PTPRD: variants seen among roughly 807,000 people sequenced by gnomAD.
PTPRD encodes the protein receptor-type tyrosine-protein phosphatase delta.
Under a neutral mutation model 214.5 loss-of-function variants are expected in PTPRD, and 34 were observed. That is an observed-to-expected ratio of 0.16 (90% CI 0.12 to 0.21). PTPRD has a LOEUF of 0.21. PTPRD is among the 10% of genes least tolerant of loss of function. PTPRD has a pLI of 1.00. For missense variants in PTPRD, 2,545 were observed against 2,398.7 expected, an observed-to-expected ratio of 1.06 and a Z score of -1.27; for synonymous variants, 1,128 against 845.7, an observed-to-expected ratio of 1.33 and a Z score of -5.79.
chr9:10,598,989 A>G (rs1392954984), intron 2 of PTPRD, among the ~76,000 whole-genome samples: 1 of 151,664 alleles, frequency 6.6e-6, no homozygotes, highest in Non-Finnish European at 1.5e-5. Flanking sequence ...TTAGCTAGGT[A>G]CACAACTAAA....
Position 8,586,375 on chromosome 9 carries a change from G to A in PTPRD, c.352+46942C>T, listed in dbSNP as rs778598426. On this transcript the variant is annotated intron_variant, in intron 14 of 45. Coordinates refer to ENST00000381196, the MANE Select transcript of PTPRD (RefSeq NM_002839.4). ...ACCAGCATTGATTCTTCTGTATTAAGTCTTCACCAGCTCATATTTCTTCCC... is the reference window on the plus strand; with the variant it reads ...ACCAGCATTGATTCTTCTGTATTAAATCTTCACCAGCTCATATTTCTTCCC... Among the ~76,000 whole-genome samples the A allele has an allele frequency of 8.5e-5, 13 of 152,138 alleles. 1 individual carries two copies. Among genetic ancestry groups the A allele is most frequent in the Non-Finnish European group, 1.3e-4 (9 of 68,026 alleles).
chr9:8,920,526 A>G (rs2098820268), intron 11 of PTPRD, among the ~76,000 whole-genome samples: 2 of 152,172 alleles, frequency 1.3e-5, no homozygotes, highest in Admixed American at 6.5e-5. Context: ...CCACACTGGA[A>G]GAAGAATTGT....
chr9:10,055,427 A>T (rs2097612991), intron 3 of PTPRD, among the ~76,000 whole-genome samples: 1 of 152,066 alleles, frequency 6.6e-6, no homozygotes, highest in Non-Finnish European at 1.5e-5. Flanking sequence ...TCTGTGTTCT[A>T]ATGGAGTAGT....
chr9:9,701,616 G>A (rs2097503825), intron 7 of PTPRD, among the ~76,000 whole-genome samples: 1 of 152,156 alleles, frequency 6.6e-6, no homozygotes, highest in African/African-American at 2.4e-5. Context: ...ATGGCAAATG[G>A]GAGATACATA....
At chr9:10,127,948 C>T (rs1429794861) in intron 3 of PTPRD, among the ~76,000 whole-genome samples, 2 of 152,060 alleles carry the variant, frequency 1.3e-5, no homozygotes, top group East Asian at 1.9e-4. Context: ...ATATGATCAC[C>T]AGAAAAACTC....
intron 14 of PTPRD, among the ~76,000 whole-genome samples, chr9:8,579,456 GTTCA>G (rs1166600739): frequency 6.6e-6 from 1 of 152,044 alleles, no homozygotes; most frequent in Non-Finnish European, 1.5e-5. Flanking sequence ...ACTGGTGACT[GTTCA>G]TTCATTCCAC....
At chr9:9,755,600 G>C (rs971608356) in intron 6 of PTPRD, among the ~76,000 whole-genome samples, 26 of 152,136 alleles carry the variant, frequency 1.7e-4, no homozygotes, top group African/African-American at 6.0e-4. Flanking sequence ...ATATAGTACA[G>C]TTATTATAAT....
chr9:8,721,692 T>C (rs753055470), intron 12 of PTPRD, among the ~76,000 whole-genome samples: 2 of 152,192 alleles, frequency 1.3e-5, no homozygotes, highest in Non-Finnish European at 2.9e-5. Context: ...ATAATTATCA[T>C]CTAATACTCC....
chr9:9,249,487 G>A (rs1217684486), intron 9 of PTPRD, among the ~76,000 whole-genome samples: 1 of 152,042 alleles, frequency 6.6e-6, no homozygotes, highest in Non-Finnish European at 1.5e-5. Context: ...AAAAAAATTT[G>A]TCTTGACCAA....
intron 14 of PTPRD, among the ~76,000 whole-genome samples, chr9:8,585,128 G>A (rs1218065256): frequency 1.3e-5 from 2 of 152,078 alleles, no homozygotes; most frequent in Non-Finnish European, 2.9e-5. Flanking sequence ...AGGCTCAAAT[G>A]AATACAATGC....
At chr9:8,428,571 G>A (rs1445093350) in intron 35 of PTPRD, among the ~76,000 whole-genome samples, 1 of 152,110 alleles carries the variant, frequency 6.6e-6, no homozygotes, top group Non-Finnish European at 1.5e-5. Flanking sequence ...TTGCATAAAA[G>A]ATGAAAACAG....
chr9:9,942,736 A>C (rs1042596279), intron 4 of PTPRD, among the ~76,000 whole-genome samples: 2 of 152,144 alleles, frequency 1.3e-5, no homozygotes, highest in Admixed American at 1.3e-4. Context: ...GCATGTTTTC[A>C]TAATATTTAA....
At chr9:9,744,740 C>A (rs1427224216) in intron 6 of PTPRD, among the ~76,000 whole-genome samples, 1 of 151,898 alleles carries the variant, frequency 6.6e-6, no homozygotes, top group African/African-American at 2.4e-5. Flanking sequence ...GAATATAAAT[C>A]TCCTAGCCTG....
chr9:9,077,112 G>A (rs967141768), intron 10 of PTPRD, among the ~76,000 whole-genome samples: 37 of 150,174 alleles, frequency 2.5e-4, no homozygotes, highest in African/African-American at 9.0e-4. Flanking sequence ...TTTGAAAAAT[G>A]TCTATTCACA....
At chr9:8,792,885 A>C (rs1214492458) in intron 11 of PTPRD, among the ~76,000 whole-genome samples, 13 of 151,972 alleles carry the variant, frequency 8.6e-5, no homozygotes, top group Admixed American at 8.5e-4. Context: ...ATGATTCCTT[A>C]ATCAACCCCC....
At chr9:8,918,453 T>C (rs1216916575) in intron 11 of PTPRD, among the ~76,000 whole-genome samples, 1 of 152,098 alleles carries the variant, frequency 6.6e-6, no homozygotes, top group African/African-American at 2.4e-5. Context: ...GTAAAAAAAA[T>C]TCAGCCCTTT....
chr9:9,091,973 G>A (rs1412550941), intron 10 of PTPRD, among the ~76,000 whole-genome samples: 2 of 152,154 alleles, frequency 1.3e-5, no homozygotes, highest in African/African-American at 4.8e-5. Context: ...TGGTTTTTAA[G>A]TGTCTCTGCC....
rs140727416 is a variant in PTPRD at position 9,344,256 on chromosome 9, C to G, written c.-203+53193G>C. Among the ~76,000 whole-genome samples the G allele has an allele frequency of 5.1e-3, 779 of 152,030 alleles. 3 individuals carry two copies. Among genetic ancestry groups the G allele is most frequent in the African/African-American group, 0.018 (753 of 41,486 alleles). ...AAACCCAAACACCACATGTTCTCACCCATAAGTGGGAGTTGCACAGTGAGA... is the reference window on the plus strand; with the variant it reads ...AAACCCAAACACCACATGTTCTCACGCATAAGTGGGAGTTGCACAGTGAGA... On this transcript the variant is annotated intron_variant, in intron 9 of 45. Transcript: ENST00000381196.
intron 10 of PTPRD, among the ~76,000 whole-genome samples, chr9:9,064,632 C>A (rs570653787): frequency 6.6e-6 from 1 of 152,194 alleles, no homozygotes; most frequent in Non-Finnish European, 1.5e-5. Flanking sequence ...ACATTTCCAT[C>A]GCTTTCTTTA....
Sources: gnomAD v4.1 joint callset for allele counts (sites outside exome capture counted in the v4.1 genomes callset) on GRCh38, gnomAD v4.1.1 for gene constraint, MANE v1.5 for transcripts, NCBI Gene and HGNC (gene_info 2026-07-23, HGNC 2026-07-21) for gene names.